CELF1: variants seen among roughly 807,000 people sequenced by gnomAD.
The protein encoded by CELF1 is 50 kDa nuclear polyadenylated RNA-binding protein.
A neutral mutation model predicts 61.8 loss-of-function variants in CELF1; 10 were observed. The ratio of observed to expected loss-of-function variants is 0.16; its 90% CI spans 0.10 to 0.27. The LOEUF is 0.27. Ranked by LOEUF, CELF1 falls within the 10% of genes least tolerant of loss-of-function variation. CELF1 has a pLI of 1.00. For missense variants in CELF1, 380 were observed against 639.1 expected, an observed-to-expected ratio of 0.59 and a Z score of 4.37; for synonymous variants, 236 against 225.1, an observed-to-expected ratio of 1.05 and a Z score of -0.43.
At chr11:47,516,570 T>C (rs2095564619) in intron 1 of CELF1, among the ~76,000 whole-genome samples, 1 of 152,146 alleles carries the variant, frequency 6.6e-6, no homozygotes, top group South Asian at 2.1e-4. Flanking sequence ...TTGCAATTAT[T>C]AGGCCTCCCC....
At position 47,490,727 on chromosome 11, in the gene CELF1, T is replaced by A. The variant is rs146090464; in HGVS notation, c.72-1703A>T. Among the ~76,000 whole-genome samples the A allele has an allele frequency of 5.7e-3, 873 of 152,144 alleles. 6 individuals are homozygous for A. The highest frequency in any genetic ancestry group is 8.7e-3 in the Non-Finnish European group (592 of 68,002). ...GGCGTGAAGCACTGCACCCAGCCAA[T>A]GTGCTAGTTCTCTTTAAACAACAAC... On this transcript the variant is annotated intron_variant, in intron 3 of 14. Transcript: ENST00000687097.
At chr11:47,541,738 GA>G (rs1565904533) in intron 1 of CELF1, among the ~76,000 whole-genome samples, 1,286 of 10,458 alleles carry the variant, frequency 0.12, 252 homozygotes, top group African/African-American at 0.25. Context: ...ACGAAAGAAA[GA>G]ACGAAAGAAA....
At chr11:47,518,967 G>A (rs2095707415) in intron 1 of CELF1, among the ~76,000 whole-genome samples, 1 of 152,156 alleles carries the variant, frequency 6.6e-6, no homozygotes, top group Non-Finnish European at 1.5e-5. Context: ...CTGTTGAAAA[G>A]CAGGAAACTT....
At chr11:47,542,713 G>T (rs2096840174) in intron 1 of CELF1, among the ~76,000 whole-genome samples, 1 of 151,776 alleles carries the variant, frequency 6.6e-6, no homozygotes. Flanking sequence ...GGCCAGGCTG[G>T]TCTCAAACTT....
At chr11:47,487,508 G>A (rs571770086) in intron 4 of CELF1, among the ~76,000 whole-genome samples, 2 of 152,160 alleles carry the variant, frequency 1.3e-5, no homozygotes, top group East Asian at 3.9e-4. Flanking sequence ...TGGAAAATAC[G>A]ACTTCTCATA....
intron 1 of CELF1, among the ~76,000 whole-genome samples, chr11:47,526,006 T>G (rs2096221700): frequency 6.6e-6 from 1 of 151,542 alleles, no homozygotes; most frequent in African/African-American, 2.4e-5. Flanking sequence ...TAGACTTTCT[T>G]GCTTATCCCA....
rs12289002 is a variant in CELF1, at chr11:47,526,262, G to A, written c.-153-25330C>T. Among the ~76,000 whole-genome samples, 731 of 152,240 alleles carry A rather than the reference G, an allele frequency of 4.8e-3. 11 individuals carry two copies. Among genetic ancestry groups the A allele is most frequent in the African/African-American group, 0.016 (681 of 41,546 alleles). ...TTGAACCTGGGAAGCGGAGGTTGCC[G>A]TGAGCCAAGATTGTGCCATTGCACT... On this transcript the variant is annotated intron_variant, in intron 1 of 14. Transcript: ENST00000687097.
intron 1 of CELF1, among the ~76,000 whole-genome samples, chr11:47,538,747 C>T (rs1311826680): frequency 1.3e-5 from 2 of 151,786 alleles, no homozygotes; most frequent in African/African-American, 4.8e-5. Context: ...GGAATAAAGT[C>T]TTTCAACCTA....
At chr11:47,480,621 A>G (rs994918637) in intron 9 of CELF1, among the ~76,000 whole-genome samples, 2 of 152,260 alleles carry the variant, frequency 1.3e-5, no homozygotes, top group Non-Finnish European at 2.9e-5. Context: ...AGTCTCTAAG[A>G]AAAGCAAATG....
intron 1 of CELF1, 67 bp downstream of exon 1, chr11:47,552,925 C>A (rs1201373743): frequency 2.5e-6 from 1 of 397,414 alleles, no homozygotes; most frequent in Non-Finnish European, 4.4e-6. Context: ...CCCCGCGGCG[C>A]CTCCCTCTTG....
At chr11:47,496,670 C>T (rs1365339951) in intron 3 of CELF1, among the ~76,000 whole-genome samples, 1 of 151,830 alleles carries the variant, frequency 6.6e-6, no homozygotes, top group Non-Finnish European at 1.5e-5. Context: ...GGAAAGAGGC[C>T]TAAGGGTGAT....
chr11:47,552,518 A>G (rs1307239147), intron 1 of CELF1, among the ~76,000 whole-genome samples: 1 of 152,208 alleles, frequency 6.6e-6, no homozygotes, highest in East Asian at 1.9e-4. Context: ...GCTCGGGAAA[A>G]GCGCTGCCTT....
At chr11:47,485,430 T>TA (rs1565784171) in intron 6 of CELF1, among the ~76,000 whole-genome samples, 3 of 152,168 alleles carry the variant, frequency 2.0e-5, no homozygotes, top group Non-Finnish European at 4.4e-5. Context: ...CTCAGCCTCT[T>TA]AAAGTGCTGT....
rs931387212 is a variant in CELF1 at position 47,499,712 on chromosome 11, G to C, written c.-81-108C>G. On this transcript the variant is annotated intron_variant, in intron 2 of 14. Transcript: ENST00000687097. ...GAAGGGGTAGGGAAAGGGAGTATTGGATTAAAATGGGGATGTGACCATGTG... is the reference window on the plus strand; with the variant it reads ...GAAGGGGTAGGGAAAGGGAGTATTGCATTAAAATGGGGATGTGACCATGTG... 16 of 583,036 alleles carry C rather than the reference G, an allele frequency of 2.7e-5. No homozygotes were observed. The Admixed American group carries it at 4.0e-4, about 15-fold the overall frequency. The allele number at this position is 583,036 out of a possible 1,614,324, so 36.1% of individuals were successfully genotyped here. A position where few individuals can be genotyped will look rare whatever the true frequency, so the allele number is the denominator to read the frequency against.
intron 2 of CELF1, among the ~76,000 whole-genome samples, chr11:47,561,118 ACAGAGT>A (rs1282850989): frequency 7.1e-6 from 1 of 140,230 alleles, no homozygotes; most frequent in Non-Finnish European, 1.5e-5. Context: ...AGCCTGGGCA[ACAGAGT>A]GAGACTCTGT....
At chr11:47,543,692 T>C (rs1426428327) in intron 1 of CELF1, among the ~76,000 whole-genome samples, 9 of 152,146 alleles carry the variant, frequency 5.9e-5, no homozygotes, top group African/African-American at 2.2e-4. Context: ...GAGGACTGCT[T>C]GAGCTCAAGA....
At chr11:47,556,230 C>A (rs1300207670), upstream of CELF1, among the ~76,000 whole-genome samples, 1 of 152,022 alleles carries the variant, frequency 6.6e-6, no homozygotes. Context: ...TGTCACCCAG[C>A]CTGGAGTGTA....
At position 47,487,177 on chromosome 11, in the gene CELF1, G is replaced by A; in HGVS notation, c.324C>T (p.Asn108=). The change falls in exon 5 of 15, where the codon AAC becomes AAT. Residue 108 remains asparagine, a synonymous_variant. Coordinates refer to ENST00000687097, the MANE Select transcript of CELF1 (RefSeq NM_001376376.1). ...TTCTTACCCCTGGGAGGACTTTCATGTTGTGAAGAGCATTCTGAGCTTCTA... is the reference window on the plus strand; with the variant it reads ...TTCTTACCCCTGGGAGGACTTTCATATTGTGAAGAGCATTCTGAGCTTCTA... The part of the protein sequence containing the change: ...AALEAQNALH[N]MKVLPGMHHP... 6.2e-7 allele frequency: 1 copy of A among 1,612,088 alleles called. No individual in the cohort carries two copies. The highest frequency in any genetic ancestry group is 1.3e-5 in the African/African-American group (1 of 75,042).
At chr11:47,494,561 C>G in intron 3 of CELF1, 1 of 864,110 alleles carries the variant, frequency 1.2e-6, no homozygotes, top group African/African-American at 1.8e-5. Context: ...TTCTCTTTCT[C>G]CTTTCTTTTC....
Sources: gnomAD v4.1 joint callset for allele counts (sites outside exome capture counted in the v4.1 genomes callset) on GRCh38, gnomAD v4.1.1 for gene constraint, MANE v1.5 for transcripts, NCBI Gene and HGNC (gene_info 2026-07-23, HGNC 2026-07-21) for gene names.